The following PCDHAC1 variants were observed in gnomAD, a reference collection of about 807,000 sequenced individuals.
PCDHAC1 encodes protocadherin alpha subfamily C, 1.
In PCDHAC1, 42 loss-of-function variants were observed where a neutral mutation model predicts 60.0. That is an observed-to-expected ratio of 0.70 (90% CI 0.55 to 0.90). The LOEUF (loss-of-function observed/expected upper bound fraction) is 0.90, where lower values mean the gene tolerates loss of function less well. Among genes scored for constraint, PCDHAC1 ranks in the 40% least tolerant of loss-of-function variants. PCDHAC1 has a pLI of 0.00. For synonymous variants in PCDHAC1, 468 were observed against 499.3 expected (o/e 0.94, Z 0.84); for missense variants, 1,160 against 1,222.3 (o/e 0.95, Z 0.76).
At chr5:140,948,543 T>C (rs1226242016) in intron 1 of PCDHAC1, among the ~76,000 whole-genome samples, 2 of 151,702 alleles carry the variant, frequency 1.3e-5, no homozygotes, top group Non-Finnish European at 3.0e-5. Flanking sequence ...TTTCATGCTC[T>C]GTCAATTTTG....
rs782495760 is a variant in PCDHAC1 at position 141,010,201 on chromosome 5, C to T, written c.*264C>T. Reference sequence around the variant, plus strand: ...GCAGACCCAAGTTTCCTTTCTCCTCCGCCGCAAAGGAGAGGCTTCCCAGCC... The same window carrying T: ...GCAGACCCAAGTTTCCTTTCTCCTCTGCCGCAAAGGAGAGGCTTCCCAGCC... On this transcript the variant is annotated 3_prime_UTR_variant, in exon 4 of 4. Coordinates refer to ENST00000253807, the MANE Select transcript of PCDHAC1 (RefSeq NM_018898.5). The T allele has an allele frequency of 1.3e-5, 20 of 1,552,034 alleles. No individual in the cohort carries two copies. The East Asian group carries it at 1.7e-4, about 13-fold the overall frequency.
chr5:140,929,234 G>A lies in PCDHAC1; in HGVS notation c.2342G>A (p.Arg781Gln), dbSNP rs781843995. ...LRGEYNAADL[R>Q]NLATGVGLNL... Reference sequence around the variant, plus strand: ...GGGGAGTACAATGCTGCCGACCTGCGAAATCTTGCCACTGGGGTAGGACTG... The same window carrying A: ...GGGGAGTACAATGCTGCCGACCTGCAAAATCTTGCCACTGGGGTAGGACTG... Residue 781 changes from arginine (R) to glutamine (Q), a missense_variant, in exon 1 of 4, where the codon CGA (arginine) becomes CAA (glutamine). Arg to Gln is a conservative substitution (Grantham distance 43). Around this residue, in one of 3 missense-constraint regions of PCDHAC1, gnomAD observed 1,113 missense variants for 1,163.7 expected, o/e 0.96. Coordinates refer to ENST00000253807, the MANE Select transcript of PCDHAC1 (RefSeq NM_018898.5). 1 of 1,613,838 alleles carries A rather than the reference G, an allele frequency of 6.2e-7. No homozygotes were observed. Among genetic ancestry groups the A allele is most frequent in the Non-Finnish European group, 8.5e-7 (1 of 1,179,828 alleles).
At position 140,927,128 on chromosome 5, in the gene PCDHAC1, A is replaced by T. The variant is rs2083872958; in HGVS notation, c.236A>T (p.Glu79Val). 2 of 1,613,878 alleles carry T rather than the reference A, an allele frequency of 1.2e-6. No homozygotes were observed. The highest frequency in any genetic ancestry group is 1.7e-6 in the Non-Finnish European group (2 of 1,179,974). Residue 79 changes from glutamate to valine, a missense_variant, in exon 1 of 4, where the codon GAG becomes GTG. Around this residue, in one of 3 missense-constraint regions of PCDHAC1, gnomAD observed 1,113 missense variants for 1,163.7 expected, o/e 0.96. Transcript: ENST00000253807. ...CCCAGCGGCAATTTGGTGGTCAGAG[A>T]GCCGGCGGACCGCGAACAGCTGTGC... is the stretch of plus-strand genomic sequence containing the variant. ...DLPSGNLVVR[E>V]PADREQLCRA...
In PCDHAC1 at chr5:140,959,652, T is replaced by C. The variant is rs538144488; in HGVS notation, c.2434-19297T>C. 1.3e-4 allele frequency among the ~76,000 whole-genome samples: 20 copies of C among 152,234 alleles called. No individual in the cohort carries two copies. In the South Asian group the frequency reaches 4.2e-3, roughly 32 times the overall value. On this transcript the variant is annotated intron_variant, in intron 1 of 3. Transcript: ENST00000253807. ...AGAGAGAAAAAACACAGAAGCAAAATTGAAGAATTTGTAAATCATTTCTAA... is the reference window on the plus strand; with the variant it reads ...AGAGAGAAAAAACACAGAAGCAAAACTGAAGAATTTGTAAATCATTTCTAA...
At chr5:140,992,153 T>C (rs191199905) in intron 3 of PCDHAC1, among the ~76,000 whole-genome samples, 76 of 152,066 alleles carry the variant, frequency 5.0e-4, no homozygotes, top group African/African-American at 1.8e-3. Flanking sequence ...CTTTGCTCAA[T>C]CAAGAAGTGT....
intron 3 of PCDHAC1, among the ~76,000 whole-genome samples, chr5:141,005,079 T>TTAGTACTTTACA (rs1375552328): frequency 3.3e-5 from 5 of 152,356 alleles, no homozygotes; most frequent in Non-Finnish European, 7.3e-5. Flanking sequence ...AGGATCAAGC[T>TTAGTACTTTACA]TAGTACTTTA....
rs149179821 is a variant in PCDHAC1 at position 141,012,224 on chromosome 5, C to T, written c.*2287C>T. 2 of 153,832 alleles carry T rather than the reference C, an allele frequency of 1.3e-5. No homozygotes were observed. Among genetic ancestry groups the T allele is most frequent in the East Asian group, 3.9e-4 (2 of 5,184 alleles). 9.5% of individuals were successfully genotyped at this position (153,832 alleles called of 1,614,324 possible). On this transcript the variant is annotated 3_prime_UTR_variant, in exon 4 of 4. Coordinates refer to ENST00000253807, the MANE Select transcript of PCDHAC1 (RefSeq NM_018898.5). ...CTTTTTACATTTGCGAAGTGCTTTC[C>T]AATCCATGTTAGTTACTAGTTATTA...
intron 3 of PCDHAC1, among the ~76,000 whole-genome samples, chr5:140,999,590 C>T (rs951986017): frequency 3.3e-5 from 5 of 152,132 alleles, no homozygotes; most frequent in Non-Finnish European, 7.3e-5. Context: ...AAATTGCCTT[C>T]CCTACATCCT....
At chr5:140,941,750 T>C (rs528792646) in intron 1 of PCDHAC1, among the ~76,000 whole-genome samples, 2 of 152,384 alleles carry the variant, frequency 1.3e-5, no homozygotes, top group Admixed American at 6.5e-5. Flanking sequence ...TATCAGATTT[T>C]CAGTGCTTTT....
At chr5:140,967,518 A>T (rs1554229639) in intron 1 of PCDHAC1, 1 of 1,612,930 alleles carries the variant, frequency 6.2e-7, no homozygotes, top group Non-Finnish European at 8.5e-7. Flanking sequence ...CTGGACACTA[A>T]CGACAACTCT....
chr5:140,956,960 TAATC>T (rs2307694), intron 1 of PCDHAC1, among the ~76,000 whole-genome samples: 47,965 of 151,898 alleles, frequency 0.32, 7,886 homozygotes, highest in East Asian at 0.53. Flanking sequence ...ACACTGTAAT[TAATC>T]AGTCAATTTA....
At chr5:140,982,186 C>G (rs547938149) in intron 2 of PCDHAC1, among the ~76,000 whole-genome samples, 34 of 152,372 alleles carry the variant, frequency 2.2e-4, no homozygotes, top group African/African-American at 7.7e-4. Context: ...CTCTGATGGG[C>G]TTCCTGTTAG....
chr5:140,979,462 T>C (rs2096852361), intron 2 of PCDHAC1, among the ~76,000 whole-genome samples: 1 of 152,304 alleles, frequency 6.6e-6, no homozygotes, highest in East Asian at 1.9e-4. Context: ...CAATAATTGA[T>C]TGCTATTGTT....
chr5:141,000,421 A>ATTTTTTTTTTTTT (rs34755515), intron 3 of PCDHAC1, among the ~76,000 whole-genome samples: 1 of 27,968 alleles, frequency 3.6e-5, no homozygotes, highest in African/African-American at 1.8e-4. Flanking sequence ...ATATATATAT[A>ATTTTTTTTTTTTT]TTTTTTTTTT....
rs2096146085 is a variant in PCDHAC1 at position 140,967,476 on chromosome 5, G to T, written c.2434-11473G>T. ...GCCGTGGATGGGGGCATCCCAGCCC[G>T]CTCGGGTACGGCACAGATCTCTGTG... On this transcript the variant is annotated intron_variant, in intron 1 of 3. Transcript: ENST00000253807. The T allele has an allele frequency of 6.2e-7, 1 of 1,613,324 alleles. No individual in the cohort carries two copies. The highest frequency in any genetic ancestry group is 1.3e-5 in the African/African-American group (1 of 75,056).
chr5:140,928,639 G>A lies in PCDHAC1; in HGVS notation c.1747G>A (p.Val583Met). ...CAGGACTGGACACTTGGTCACAAAA[G>A]TGGTAGCAGAGGATGCTGACAGTGG... Reference protein sequence around the residue: ...SARTGHLVTKVVAEDADSGSN... With the variant: ...SARTGHLVTKMVAEDADSGSN... Residue 583 changes from valine (V) to methionine (M), a missense_variant, in exon 1 of 4, where the codon GTG becomes ATG. Around this residue, in one of 3 missense-constraint regions of PCDHAC1, gnomAD observed 1,113 missense variants for 1,163.7 expected, o/e 0.96. Coordinates refer to ENST00000253807, the MANE Select transcript of PCDHAC1 (RefSeq NM_018898.5). 1 of 1,614,218 alleles carries A rather than the reference G, an allele frequency of 6.2e-7. No homozygotes were observed. Among genetic ancestry groups the A allele is most frequent in the Non-Finnish European group, 8.5e-7 (1 of 1,180,042 alleles).
chr5:140,934,337 A>G (rs1404340648), intron 1 of PCDHAC1, among the ~76,000 whole-genome samples: 1 of 152,128 alleles, frequency 6.6e-6, no homozygotes, highest in African/African-American at 2.4e-5. Context: ...TGTAATAACC[A>G]CCAGTACAGT....
At chr5:140,972,027 C>A (rs2096514532) in intron 1 of PCDHAC1, among the ~76,000 whole-genome samples, 1 of 152,110 alleles carries the variant, frequency 6.6e-6, no homozygotes, top group African/African-American at 2.4e-5. Flanking sequence ...GATATTCAGG[C>A]ATTTAAGCTA....
chr5:141,009,471 G>A, intron 3 of PCDHAC1, 156 bp from the exon 4 acceptor site: 1 of 961,136 alleles, frequency 1.0e-6, no homozygotes, highest in Non-Finnish European at 1.2e-6. Context: ...AAATAAATAA[G>A]TAAACACTTG....
Sources: gnomAD v4.1 joint callset for allele counts (sites outside exome capture counted in the v4.1 genomes callset) on GRCh38, gnomAD v4.1.1 for gene constraint, gnomAD v4.1.1 regional missense constraint, MANE v1.5 for transcripts, NCBI Gene and HGNC (gene_info 2026-07-23, HGNC 2026-07-21) for gene names.